Variants in UTP6 observed in about 807,000 individuals in gnomAD.
The protein encoded by UTP6 is U3 small nucleolar RNA-associated protein 6 homolog.
UTP6 carries 60 observed loss-of-function variants against 96.5 expected under a neutral mutation model. That is an observed-to-expected ratio of 0.62 (90% CI 0.51 to 0.77). UTP6 has a LOEUF of 0.77. Among genes scored for constraint, UTP6 ranks in the 30% least tolerant of loss-of-function variants. The pLI, the probability that UTP6 is intolerant of heterozygous loss-of-function variation, is 0.00. For synonymous variants in UTP6, 215 were observed against 240.1 expected (o/e 0.90, Z 0.96); for missense variants, 637 against 706.5 (o/e 0.90, Z 1.12).
At chr17:31,900,936 C>G (rs1035964592) in intron 1 of UTP6, among the ~76,000 whole-genome samples, 13 of 152,188 alleles carry the variant, frequency 8.5e-5, no homozygotes, top group African/African-American at 1.2e-4. Context: ...CTTTGAAGCT[C>G]TGAGTCACAT....
intron 10 of UTP6, 122 bp from the exon 11 acceptor site, chr17:31,880,876 TA>T (rs1910791778): frequency 1.5e-6 from 2 of 1,325,584 alleles, no homozygotes; most frequent in Non-Finnish European, 2.1e-6. Context: ...TGCAGTACCA[TA>T]AAAACTATTT....
Position 31,899,596 on chromosome 17 carries a change from C to G in UTP6, c.177+50G>C, listed in dbSNP as rs756488178. 14 of 1,439,056 alleles carry G rather than the reference C, an allele frequency of 9.7e-6. 1 individual carries two copies. Among genetic ancestry groups the G allele is most frequent in the Non-Finnish European group, 1.2e-5 (13 of 1,068,822 alleles). 89.1% of individuals were successfully genotyped at this position (1,439,056 alleles called of 1,614,324 possible). A position where few individuals can be genotyped will look rare whatever the true frequency, so the allele number is the denominator to read the frequency against. On this transcript the variant is annotated intron_variant, in intron 2 of 18. Transcript: ENST00000261708. ...GGTGACAGAGTGAGATGCCATCTCA[C>G]CAAAAAACAAAAAAGAAAAAAAGAA...
intron 5 of UTP6, among the ~76,000 whole-genome samples, chr17:31,892,531 C>A (rs1904381464): frequency 6.6e-6 from 1 of 152,198 alleles, no homozygotes; most frequent in Non-Finnish European, 1.5e-5. Flanking sequence ...AAAAAGTCAA[C>A]TGTATTGAAC....
chr17:31,870,589 T>C (rs565570887), intron 16 of UTP6, among the ~76,000 whole-genome samples: 5 of 149,480 alleles, frequency 3.3e-5, no homozygotes, highest in African/African-American at 1.2e-4. Context: ...TGGCGCAATC[T>C]CAGCTCACTG....
At position 31,876,124 on chromosome 17, in the gene UTP6, A is replaced by C. The variant is rs181077446; in HGVS notation, c.1126-711T>G. On this transcript the variant is annotated intron_variant, in intron 13 of 18. Transcript: ENST00000261708. ...TGATCTCGGCTCACTGCAACCTCCAACTCCTGGGTTCAAGCAATTCTCCTC... is the reference window on the plus strand; with the variant it reads ...TGATCTCGGCTCACTGCAACCTCCACCTCCTGGGTTCAAGCAATTCTCCTC... 4.6e-3 allele frequency among the ~76,000 whole-genome samples: 690 copies of C among 151,394 alleles called. 9 individuals carry two copies. The highest frequency in any genetic ancestry group is 0.016 in the African/African-American group (646 of 41,374).
chr17:31,869,409 C>CCT (rs1465814004), intron 16 of UTP6, among the ~76,000 whole-genome samples: 1 of 152,104 alleles, frequency 6.6e-6, no homozygotes, highest in African/African-American at 2.4e-5. Flanking sequence ...CCCAAGCAAT[C>CCT]CTCCCACCTC....
intron 18 of UTP6, 123 bp from the exon 19 acceptor site, chr17:31,863,639 CTTTG>C (rs1183902509): frequency 9.3e-6 from 8 of 859,632 alleles, no homozygotes; most frequent in Admixed American, 3.1e-5. Flanking sequence ...CCCTAGGACG[CTTTG>C]TTTAACAATA....
At position 31,863,531 on chromosome 17, in the gene UTP6, AC is replaced by A. The variant is rs764002392; in HGVS notation, c.1637-16del. ...CATCCAAAGATCTTTTAAAAAAAAA[AC>A]ATACAATTAGATAACTGACAGAGTG... On this transcript the variant is annotated splice_polypyrimidine_tract_variant and intron_variant, in intron 18 of 18. Coordinates refer to ENST00000261708, the MANE Select transcript of UTP6 (RefSeq NM_018428.3). 37 of 1,587,296 alleles carry A rather than the reference AC, an allele frequency of 2.3e-5. No individual in the cohort carries two copies. Among genetic ancestry groups the A allele is most frequent in the Middle Eastern group, 1.7e-4 (1 of 5,952 alleles).
intron 17 of UTP6, among the ~76,000 whole-genome samples, chr17:31,866,345 C>T (rs1309439979): frequency 6.6e-6 from 1 of 151,542 alleles, no homozygotes; most frequent in Non-Finnish European, 1.5e-5. Context: ...CCTGTAATCC[C>T]AGTACTTTGG....
At chr17:31,884,370 C>G in intron 10 of UTP6, 54 bp downstream of exon 10, 5 of 1,415,426 alleles carry the variant, frequency 3.5e-6, no homozygotes, top group Non-Finnish European at 4.9e-6. Context: ...ACCTCAAACC[C>G]TTAATCTCAA....
intron 11 of UTP6, chr17:31,880,364 T>G: frequency 1.9e-6 from 1 of 525,070 alleles, no homozygotes; most frequent in Non-Finnish European, 3.3e-6. Context: ...GAGGTTGCAG[T>G]GAGCCGAAAT....
intron 16 of UTP6, 73 bp from the exon 17 acceptor site, chr17:31,868,185 G>A (rs1001043689): frequency 3.6e-5 from 50 of 1,372,520 alleles, no homozygotes; most frequent in Admixed American, 6.0e-5. Flanking sequence ...TGTAAATACC[G>A]AGACCAGTGC....
intron 1 of UTP6, 157 bp downstream of exon 1, chr17:31,901,379 A>T (rs892734236): frequency 3.0e-6 from 2 of 675,094 alleles, no homozygotes; most frequent in African/African-American, 3.6e-5. Flanking sequence ...AACGAATGAA[A>T]AATTAATTCT....
At chr17:31,869,460 T>C (rs902761321) in intron 16 of UTP6, among the ~76,000 whole-genome samples, 1 of 151,898 alleles carries the variant, frequency 6.6e-6, no homozygotes, top group Non-Finnish European at 1.5e-5. Flanking sequence ...AGGAATGGCA[T>C]GAGCCACCAC....
At chr17:31,890,057 GCTGCAGTGGCACAAACAACAGCTCA>G (rs1217250943) in intron 6 of UTP6, among the ~76,000 whole-genome samples, 1 of 151,872 alleles carries the variant, frequency 6.6e-6, no homozygotes, top group African/African-American at 2.4e-5. Context: ...TGTTGCTCAG[GCTGCAGTGGCACAAACAACAGCTCA>G]CTGCAGTCTT....
intron 17 of UTP6, among the ~76,000 whole-genome samples, chr17:31,866,381 G>C (rs944107418): frequency 2.0e-5 from 3 of 151,358 alleles, no homozygotes; most frequent in African/African-American, 7.3e-5. Flanking sequence ...AGATCACAAG[G>C]TCAGGAGTTG....
Position 31,889,419 on chromosome 17 carries a change from C to A in UTP6, c.425-16G>T. ...ATCCACAAAGCTGTAAGTGAAAAAC[C>A]ATCAGATTTCATTTCAATAAATTAA... is the stretch of plus-strand genomic sequence containing the variant. On this transcript the variant is annotated splice_polypyrimidine_tract_variant and intron_variant, in intron 6 of 18. Transcript: ENST00000261708. 1 of 1,574,054 alleles carries A rather than the reference C, an allele frequency of 6.4e-7. No individual in the cohort carries two copies. Among genetic ancestry groups the A allele is most frequent in the South Asian group, 1.1e-5 (1 of 89,878 alleles).
Position 31,873,448 on chromosome 17 carries a change from GGGTTACTGA to G in UTP6, c.1417_1425del (p.Ser473_Thr475del). On this transcript the variant is annotated inframe_deletion, in exon 16 of 19. Coordinates refer to ENST00000261708, the MANE Select transcript of UTP6 (RefSeq NM_018428.3). ...GCCCAATCCAGGTACTTATTCTTCA[GGGTTACTGA>G]GTCGGCACCTATGACAGCTAAGAGA... 1 of 1,614,106 alleles carries G rather than the reference GGGTTACTGA, an allele frequency of 6.2e-7. No homozygotes were observed.
At chr17:31,873,886 A>C in intron 14 of UTP6, 133 bp from the exon 15 acceptor site, 1 of 966,590 alleles carries the variant, frequency 1.0e-6, no homozygotes, top group Non-Finnish European at 1.5e-6. Flanking sequence ...TATGCTCTGA[A>C]AACTAGTTAA....
Sources: allele counts gnomAD v4.1 joint callset (sites outside exome capture counted in the v4.1 genomes callset), GRCh38; gene constraint gnomAD v4.1.1; transcripts MANE v1.5; gene names NCBI Gene and HGNC (gene_info 2026-07-23, HGNC 2026-07-21).